The following SAMD3 variants were observed in gnomAD, a reference collection of about 807,000 sequenced individuals.
The protein encoded by SAMD3 is sterile alpha motif domain-containing protein 3.
SAMD3 carries 63 observed loss-of-function variants against 58.5 expected under a neutral mutation model. That is an observed-to-expected ratio of 1.08 (90% CI 0.88 to 1.33). SAMD3 has a LOEUF of 1.33. SAMD3 is among the 40% of genes most tolerant of loss of function. The pLI is 0.00. For missense variants in SAMD3, 604 were observed against 608.4 expected, an observed-to-expected ratio of 0.99 and a Z score of 0.08; for synonymous variants, 220 against 210.3, an observed-to-expected ratio of 1.05 and a Z score of -0.40.
In SAMD3 at chr6:130,229,229, A is replaced by C. The variant is rs536647563; in HGVS notation, c.-187-6416T>G. The stretch of plus-strand genomic sequence containing the variant: ...TAGTAGTGAGCCTCTGGTCCTGAGG[A>C]CTGTGTTGACAGGGACAGTGGATAT... On this transcript the variant is annotated intron_variant, in intron 2 of 13. Transcript: ENST00000368134. 2.6e-5 allele frequency among the ~76,000 whole-genome samples: 4 copies of C among 152,166 alleles called. 1 individual carries two copies. The South Asian group carries it at 8.3e-4, about 31-fold the overall frequency.
intron 5 of SAMD3, among the ~76,000 whole-genome samples, chr6:130,192,503 C>G (rs1041389669): frequency 6.6e-6 from 1 of 152,108 alleles, no homozygotes; most frequent in Non-Finnish European, 1.5e-5. Context: ...AAAAGCTCCC[C>G]CACTGAGTAC....
chr6:130,338,106 G>A lies in SAMD3; in HGVS notation c.-303-25013C>T, dbSNP rs9492552. 5.0e-3 allele frequency among the ~76,000 whole-genome samples: 758 copies of A among 152,304 alleles called. 8 individuals carry two copies. The highest frequency in any genetic ancestry group is 0.018 in the African/African-American group (729 of 41,576). On this transcript the variant is annotated intron_variant, in intron 1 of 13. Coordinates refer to the SAMD3 transcript ENST00000368134. ...CTGGGCCCAGGGCCCCCGCTGCTTT[G>A]TGTAGCCTGGGGACTTGGTGCCCTG...
intron 2 of SAMD3, among the ~76,000 whole-genome samples, chr6:130,253,171 T>G (rs186172130): frequency 6.6e-6 from 1 of 152,328 alleles, no homozygotes; most frequent in East Asian, 1.9e-4. Context: ...GCACATCCTT[T>G]TCTGGGAACT....
chr6:130,289,052 T>G (rs895506645), intron 2 of SAMD3, among the ~76,000 whole-genome samples: 2 of 152,232 alleles, frequency 1.3e-5, no homozygotes, highest in African/African-American at 4.8e-5. Context: ...GGGACCTTAT[T>G]ATTTTTTGTC....
At chr6:130,213,737 G>A (rs1042207199) in intron 4 of SAMD3, among the ~76,000 whole-genome samples, 8 of 151,944 alleles carry the variant, frequency 5.3e-5, no homozygotes, top group South Asian at 2.1e-4. Flanking sequence ...AAATAAAACC[G>A]TCCCCAAACT....
chr6:130,298,290 A>T (rs1273199465), intron 2 of SAMD3, among the ~76,000 whole-genome samples: 5 of 152,218 alleles, frequency 3.3e-5, no homozygotes, highest in African/African-American at 1.2e-4. Flanking sequence ...AACAAGCTTC[A>T]TAAACGAAGG....
intron 2 of SAMD3, among the ~76,000 whole-genome samples, chr6:130,275,416 A>C (rs998594741): frequency 1.3e-5 from 2 of 152,198 alleles, no homozygotes; most frequent in Non-Finnish European, 2.9e-5. Context: ...AAATACTCAG[A>C]TAAATCCCAA....
Position 130,184,169 on chromosome 6 carries a change from C to T in SAMD3, c.588G>A (p.Gln196=), listed in dbSNP as rs539052050. Residue 196 remains glutamine (Q), a synonymous_variant, in exon 7 of 12, where the codon CAG becomes CAA. Transcript: ENST00000439090. Reference sequence around the variant, plus strand: ...GCAGGGCATTAACCACGTCATTGTACTGCTGGGTGCTGGGGTACCTGTTCA... The same window carrying T: ...GCAGGGCATTAACCACGTCATTGTATTGCTGGGTGCTGGGGTACCTGTTCA... ...LEGSLYPSTQ[Q]YNDVVNALLQ... 9 of 1,613,250 alleles carry T rather than the reference C, an allele frequency of 5.6e-6. No individual in the cohort carries two copies. The South Asian group carries it at 7.7e-5, about 14-fold the overall frequency.
intron 1 of SAMD3, among the ~76,000 whole-genome samples, chr6:130,338,449 G>A (rs981445441): frequency 2.0e-5 from 3 of 152,222 alleles, no homozygotes; most frequent in Admixed American, 2.0e-4. Flanking sequence ...GCCTAGTGGA[G>A]CTGTGAGAAG....
intron 1 of SAMD3, among the ~76,000 whole-genome samples, chr6:130,219,333 T>A (rs920903059): frequency 1.3e-5 from 2 of 152,184 alleles, no homozygotes; most frequent in Non-Finnish European, 2.9e-5. Flanking sequence ...GGATTTATTT[T>A]TTTTTAATTT....
chr6:130,331,363 AACTT>A (rs941306138), intron 1 of SAMD3, among the ~76,000 whole-genome samples: 8 of 152,218 alleles, frequency 5.3e-5, no homozygotes, highest in African/African-American at 1.9e-4. Context: ...AATTCAAGAG[AACTT>A]ACTTTAAAAA....
In SAMD3 at chr6:130,345,695, T is replaced by C. The variant is rs374371915; in HGVS notation, c.-304+19425A>G. 2.2e-3 allele frequency among the ~76,000 whole-genome samples: 331 copies of C among 152,042 alleles called. 2 individuals are homozygous for C. Among genetic ancestry groups the C allele is most frequent in the African/African-American group, 7.5e-3 (311 of 41,490 alleles). On this transcript the variant is annotated intron_variant, in intron 1 of 13. Transcript: ENST00000368134. ...TTATTGAATGAGTAAATACAGACAC[T>C]GAGCTTCTTCTAGGCCCCATAACAC...
upstream of SAMD3, among the ~76,000 whole-genome samples, chr6:130,224,772 C>A (rs976756964): frequency 9.9e-5 from 15 of 151,940 alleles, no homozygotes; most frequent in Non-Finnish European, 1.8e-4. Context: ...GCACGTGCCA[C>A]CACGCCCAGC....
chr6:130,273,366 C>T (rs1039139974), intron 2 of SAMD3, among the ~76,000 whole-genome samples: 5 of 152,108 alleles, frequency 3.3e-5, no homozygotes, highest in African/African-American at 1.2e-4. Context: ...TATCACTTCA[C>T]TTTTAGCCTA....
At chr6:130,197,877 A>G (rs1376151653) in intron 5 of SAMD3, among the ~76,000 whole-genome samples, 1 of 152,170 alleles carries the variant, frequency 6.6e-6, no homozygotes, top group Non-Finnish European at 1.5e-5. Context: ...GCACGTACAC[A>G]TCCAGATGGC....
At chr6:130,240,272 C>T (rs1276810513) in intron 2 of SAMD3, among the ~76,000 whole-genome samples, 1 of 152,164 alleles carries the variant, frequency 6.6e-6, no homozygotes, top group East Asian at 1.9e-4. Context: ...TCCCAAGGCA[C>T]CCACTGCTGA....
Position 130,172,622 on chromosome 6 carries a change from T to C in SAMD3, c.822+3219A>G, listed in dbSNP as rs188465979. Among the ~76,000 whole-genome samples, 414 of 152,348 alleles carry C rather than the reference T, an allele frequency of 2.7e-3. 6 individuals carry two copies. Among genetic ancestry groups the C allele is most frequent in the African/African-American group, 9.6e-3 (401 of 41,590 alleles). ...CTTTATGGGTAACCTGGCCTTTCTCTCTGGCTGCCCTTAACATTTTTTCCT... is the reference window on the plus strand; with the variant it reads ...CTTTATGGGTAACCTGGCCTTTCTCCCTGGCTGCCCTTAACATTTTTTCCT... On this transcript the variant is annotated intron_variant, in intron 8 of 11. Coordinates refer to ENST00000439090, the MANE Select transcript of SAMD3 (RefSeq NM_001017373.4).
At chr6:130,251,447 C>A (rs1773734764) in intron 2 of SAMD3, among the ~76,000 whole-genome samples, 3 of 151,902 alleles carry the variant, frequency 2.0e-5, no homozygotes, top group Admixed American at 1.3e-4. Flanking sequence ...ATTGAAGAAA[C>A]CATTGAATAA....
At chr6:130,305,673 T>A (rs992320399) in intron 2 of SAMD3, among the ~76,000 whole-genome samples, 1 of 152,228 alleles carries the variant, frequency 6.6e-6, no homozygotes, top group Admixed American at 6.5e-5. Context: ...ATGGTTTTCC[T>A]CCTTTCAGAT....
Sources: allele counts gnomAD v4.1 joint callset (sites outside exome capture counted in the v4.1 genomes callset), GRCh38; gene constraint gnomAD v4.1.1; transcripts MANE v1.5; gene names NCBI Gene and HGNC (gene_info 2026-07-23, HGNC 2026-07-21).